The following LRP1B variants were observed in gnomAD, a reference collection of about 807,000 sequenced individuals.
LRP1B encodes low-density lipoprotein receptor-related protein 1B.
In LRP1B, 217 loss-of-function variants were observed where a neutral mutation model predicts 556.6. The ratio of observed to expected loss-of-function variants is 0.39; its 90% CI spans 0.35 to 0.44. The LOEUF (loss-of-function observed/expected upper bound fraction) is 0.44. Ranked by LOEUF, LRP1B falls within the 20% of genes least tolerant of loss-of-function variation. LRP1B has a pLI of 1.00. For missense variants in LRP1B, 5,053 were observed against 5,620.8 expected (o/e 0.90, Z 3.23); for synonymous variants, 2,047 against 1,865.8 (o/e 1.10, Z -2.50).
intron 3 of LRP1B, among the ~76,000 whole-genome samples, chr2:141,317,796 A>G (rs1687087150): frequency 6.6e-6 from 1 of 152,130 alleles, no homozygotes; most frequent in Admixed American, 6.5e-5. Context: ...TGTTGTGAAA[A>G]TTTGGGAAGA....
At chr2:140,258,372 T>C (rs1015753541) in intron 86 of LRP1B, among the ~76,000 whole-genome samples, 2 of 151,948 alleles carry the variant, frequency 1.3e-5, no homozygotes. Flanking sequence ...TTTTCTAAGG[T>C]AATTGAGGGA....
chr2:140,899,465 A>G (rs1573858011), intron 23 of LRP1B, among the ~76,000 whole-genome samples: 1 of 152,228 alleles, frequency 6.6e-6, no homozygotes, highest in East Asian at 1.9e-4. Context: ...ACTCCATACC[A>G]CAGCTTGAGA....
intron 27 of LRP1B, among the ~76,000 whole-genome samples, chr2:140,853,499 C>T (rs1487826926): frequency 6.6e-6 from 1 of 152,042 alleles, no homozygotes; most frequent in Admixed American, 6.6e-5. Context: ...TATTTCCTCC[C>T]TCTTACAGAA....
At chr2:141,533,537 A>C (rs1684964451) in intron 2 of LRP1B, among the ~76,000 whole-genome samples, 1 of 152,278 alleles carries the variant, frequency 6.6e-6, no homozygotes, top group African/African-American at 2.4e-5. Flanking sequence ...AGTTTCCTAA[A>C]CTGAATCAAC....
rs150923045 is a variant in LRP1B at position 140,951,991 on chromosome 2, T to A, written c.2888-51A>T. 1.2e-3 allele frequency: 1,593 copies of A among 1,285,850 alleles called. 20 individuals carry two copies. The African/African-American group carries it at 0.02, about 16-fold the overall frequency. 79.7% of individuals were successfully genotyped at this position (1,285,850 alleles called of 1,614,324 possible). Reference sequence around the variant, plus strand: ...AAGGTAACATGTTATTGACTGTGCATGACATAATTCGTATCATCTGATAAT... The same window carrying A: ...AAGGTAACATGTTATTGACTGTGCAAGACATAATTCGTATCATCTGATAAT... On this transcript the variant is annotated intron_variant, in intron 18 of 90. Coordinates refer to ENST00000389484, the MANE Select transcript of LRP1B (RefSeq NM_018557.3).
intron 35 of LRP1B, among the ~76,000 whole-genome samples, chr2:140,727,112 T>C (rs1003649275): frequency 6.6e-6 from 1 of 152,202 alleles, no homozygotes; most frequent in Non-Finnish European, 1.5e-5. Flanking sequence ...TCATATTTAA[T>C]ACAGTAATAA....
chr2:142,107,463 C>T (rs1053513696), intron 1 of LRP1B, among the ~76,000 whole-genome samples: 1 of 152,132 alleles, frequency 6.6e-6, no homozygotes, highest in Non-Finnish European at 1.5e-5. Flanking sequence ...AAAAGGGCCC[C>T]ACCAGATGCT....
intron 45 of LRP1B, among the ~76,000 whole-genome samples, chr2:140,537,179 AATT>A (rs1319641516): frequency 2.1e-5 from 3 of 142,148 alleles, no homozygotes; most frequent in African/African-American, 5.1e-5. Context: ...TCAAAATAAT[AATT>A]ATTATTATAT....
chr2:140,396,600 A>T (rs1684270233), intron 66 of LRP1B, among the ~76,000 whole-genome samples: 1 of 152,222 alleles, frequency 6.6e-6, no homozygotes, highest in Non-Finnish European at 1.5e-5. Flanking sequence ...AGGGAAATAC[A>T]TACAGCATGA....
rs138818486 is a variant in LRP1B, at chr2:141,623,637, C to G, written c.206-143104G>C. Among the ~76,000 whole-genome samples, 848 of 152,172 alleles carry G rather than the reference C, an allele frequency of 5.6e-3. 3 individuals are homozygous for G. Among genetic ancestry groups the G allele is most frequent in the Admixed American group, 0.01 (158 of 15,286 alleles). On this transcript the variant is annotated intron_variant, in intron 2 of 90. Transcript: ENST00000389484. Reference sequence around the variant, plus strand: ...CTTCACCCACTTTGGTGTAGAGTAACAAGCAAGCAAAATGATACCACAAAG... The same window carrying G: ...CTTCACCCACTTTGGTGTAGAGTAAGAAGCAAGCAAAATGATACCACAAAG...
At chr2:140,496,987 A>G (rs1018358076) in intron 55 of LRP1B, among the ~76,000 whole-genome samples, 3 of 151,564 alleles carry the variant, frequency 2.0e-5, no homozygotes, top group African/African-American at 7.3e-5. Context: ...AGCTATTAGA[A>G]TGATATATGT....
At position 140,335,599 on chromosome 2, in the gene LRP1B, T is replaced by A; in HGVS notation, c.12116+16A>T. ...ATTCATTATCAAGAAATAGAAATAC[T>A]AAGCCATTAACCTACCCTCTTTTAG... On this transcript the variant is annotated intron_variant, in intron 78 of 90. Coordinates refer to ENST00000389484, the MANE Select transcript of LRP1B (RefSeq NM_018557.3). 1 of 1,400,502 alleles carries A rather than the reference T, an allele frequency of 7.1e-7. No individual in the cohort carries two copies. Among genetic ancestry groups the A allele is most frequent in the South Asian group, 1.2e-5 (1 of 86,650 alleles). 86.8% of individuals were successfully genotyped at this position (1,400,502 alleles called of 1,614,324 possible).
intron 2 of LRP1B, among the ~76,000 whole-genome samples, chr2:141,748,886 T>C (rs1229714581): frequency 6.6e-6 from 1 of 152,086 alleles, no homozygotes; most frequent in African/African-American, 2.4e-5. Context: ...CAATTCATTA[T>C]CTCCCAGAAA....
intron 41 of LRP1B, among the ~76,000 whole-genome samples, chr2:140,660,872 T>TG (rs1685067233): frequency 4.9e-5 from 2 of 41,110 alleles, no homozygotes; most frequent in Non-Finnish European, 7.7e-5. Context: ...TCTTTTTGTG[T>TG]TTTTTTTTTT....
At chr2:142,015,676 A>G (rs1009795012) in intron 1 of LRP1B, among the ~76,000 whole-genome samples, 2 of 152,086 alleles carry the variant, frequency 1.3e-5, no homozygotes, top group East Asian at 3.9e-4. Context: ...ACAAATTTAC[A>G]AGAAAAAATC....
At chr2:141,443,274 G>T (rs62168030) in intron 3 of LRP1B, among the ~76,000 whole-genome samples, 3,179 of 152,156 alleles carry the variant, frequency 0.021, 69 homozygotes, top group East Asian at 0.092. Context: ...TTTTGATGAG[G>T]CTGTTTGTTT....
At chr2:141,286,652 A>C in intron 3 of LRP1B, 1 of 423,010 alleles carries the variant, frequency 2.4e-6, no homozygotes, top group South Asian at 1.7e-5. Flanking sequence ...TACAAGAGAG[A>C]TAACATCTTT....
At chr2:140,936,577 G>A (rs577333025) in intron 20 of LRP1B, among the ~76,000 whole-genome samples, 50 of 152,022 alleles carry the variant, frequency 3.3e-4, no homozygotes, top group African/African-American at 1.2e-3. Flanking sequence ...AAAATAGAGA[G>A]TAACCTTAAG....
intron 7 of LRP1B, among the ~76,000 whole-genome samples, chr2:141,168,670 C>A (rs1168044971): frequency 6.6e-6 from 1 of 151,986 alleles, no homozygotes; most frequent in African/African-American, 2.4e-5. Flanking sequence ...AATTAAATTG[C>A]TCCTGTCCAG....
Sources: gnomAD v4.1 joint callset for allele counts (sites outside exome capture counted in the v4.1 genomes callset) on GRCh38, gnomAD v4.1.1 for gene constraint, MANE v1.5 for transcripts, NCBI Gene and HGNC (gene_info 2026-07-23, HGNC 2026-07-21) for gene names.